Variants in TUBGCP6 observed in about 807,000 individuals in gnomAD.
TUBGCP6 encodes the protein tubulin gamma complex component 6.
TUBGCP6 carries 161 observed loss-of-function variants against 175.8 expected under a neutral mutation model. The observed-to-expected ratio is 0.92, with a 90% CI of 0.81 to 1.04. The LOEUF (loss-of-function observed/expected upper bound fraction) is 1.04. TUBGCP6 is among the 50% of genes least tolerant of loss of function. TUBGCP6 has a pLI of 0.00. For missense variants in TUBGCP6, 2,572 were observed against 2,433.0 expected (o/e 1.06, Z -1.20); for synonymous variants, 1,173 against 1,030.5 (o/e 1.14, Z -2.65).
chr22:50,219,473 A>C lies in TUBGCP6; in HGVS notation c.4316-17T>G, dbSNP rs1483521462. The C allele has an allele frequency of 3.8e-6, 6 of 1,590,218 alleles. No individual in the cohort carries two copies. The highest frequency in any genetic ancestry group is 1.7e-6 in the Non-Finnish European group (2 of 1,169,540). ...GCGGCTCGGCTGCGGGAGATGGAGC[A>C]CGCACGTGCTGGGAACCGGCCAGCC... On this transcript the variant is annotated splice_polypyrimidine_tract_variant and intron_variant, in intron 18 of 24. Coordinates refer to ENST00000248846, the MANE Select transcript of TUBGCP6 (RefSeq NM_020461.4).
chr22:50,229,505 G>A lies in TUBGCP6; in HGVS notation c.1189C>T (p.Leu397Phe). Residue 397 changes from leucine to phenylalanine, a missense_variant, in exon 4 of 25, where the codon CTC becomes TTC. Physicochemically the swap from Leu to Phe is conservative, Grantham distance 22. Coordinates refer to ENST00000248846, the MANE Select transcript of TUBGCP6 (RefSeq NM_020461.4). ...GTCCCATACTCGGCCACTTCCGAGA[G>A]CAGGCTGCTGATGCTCTCGGGAGAC... is the stretch of plus-strand genomic sequence containing the variant. Reference protein sequence around the residue: ...GASPESISSLLSEVAEYGTCY... With the variant: ...GASPESISSLFSEVAEYGTCY... 1 of 1,610,576 alleles carries A rather than the reference G, an allele frequency of 6.2e-7. No homozygotes were observed. Among genetic ancestry groups the A allele is most frequent in the Middle Eastern group, 1.7e-4 (1 of 6,054 alleles).
chr22:50,218,553 AAGG>A lies in TUBGCP6; in HGVS notation c.4886_4888del (p.Ser1629del), dbSNP rs749528262. ...CATCATGAGCTTCAGCTGCAGCAGG[AAGG>A]AGAAGACGCCGCTGTACTTGCTCAC... On this transcript the variant is annotated inframe_deletion, in exon 22 of 25. Transcript: ENST00000248846. 9.9e-6 allele frequency: 16 copies of A among 1,613,664 alleles called. No individual in the cohort carries two copies. The highest frequency in any genetic ancestry group is 3.3e-5 in the South Asian group (3 of 91,090).
At chr22:50,232,367 AAAAAAAAAAAG>A (rs2064704430) in intron 3 of TUBGCP6, among the ~76,000 whole-genome samples, 1 of 81,466 alleles carries the variant, frequency 1.2e-5, no homozygotes, top group Non-Finnish European at 2.4e-5. Context: ...CTCTGTCTCA[AAAAAAAAAAAG>A]AAAAAGAAAA....
rs755681500 is a variant in TUBGCP6 at position 50,243,757 on chromosome 22, C to CG, written c.702dup (p.Val235ArgfsTer13). 42 of 1,613,446 alleles carry CG rather than the reference C, an allele frequency of 2.6e-5. No homozygotes were observed. Among genetic ancestry groups the CG allele is most frequent in the Non-Finnish European group, 3.1e-5 (36 of 1,179,944 alleles). On this transcript the variant is annotated frameshift_variant, in exon 1 of 25. Coordinates refer to ENST00000248846, the MANE Select transcript of TUBGCP6 (RefSeq NM_020461.4). LOFTEE classifies it high-confidence loss of function. ...CCAGAGAGGTCCGCATTGTCTGGCA[C>CG]GGGGGGCAGGCCCAGTCGGACGTCC...
intron 3 of TUBGCP6, among the ~76,000 whole-genome samples, chr22:50,231,255 AC>A (rs869279252): frequency 2.4e-5 from 3 of 125,094 alleles, no homozygotes; most frequent in African/African-American, 8.2e-5. Context: ...GGAGTTTGAG[AC>A]CAGCCTGGTC....
At chr22:50,235,765 C>A (rs944741417) in intron 2 of TUBGCP6, among the ~76,000 whole-genome samples, 7 of 152,104 alleles carry the variant, frequency 4.6e-5, no homozygotes, top group African/African-American at 1.7e-4. Context: ...CATGGTGAAA[C>A]CCTGACTCTA....
Position 50,217,828 on chromosome 22 carries a change from C to T in TUBGCP6, c.5369-1G>A, listed in dbSNP as rs2064440795. ...CCGCGGTTCACCAGCTTGGTCACCACTGGGGACCAGCGAGCAGCTCAGGCT... is the reference window on the plus strand; with the variant it reads ...CCGCGGTTCACCAGCTTGGTCACCATTGGGGACCAGCGAGCAGCTCAGGCT... On this transcript the variant is annotated splice_acceptor_variant, in intron 24 of 24. Transcript: ENST00000248846. LOFTEE classifies it high-confidence loss of function. 7 of 1,613,712 alleles carry T rather than the reference C, an allele frequency of 4.3e-6. No homozygotes were observed. The highest frequency in any genetic ancestry group is 2.2e-5 in the East Asian group (1 of 44,864).
chr22:50,229,574 C>A lies in TUBGCP6; in HGVS notation c.1120G>T (p.Ala374Ser). ...CCCCGCTTCACCACAAAGGCCTGGG[C>A]CGGCTGCACAGGGGCAGAGGACACT... is the stretch of plus-strand genomic sequence containing the variant. Reference protein sequence around the residue: ...VSATFSLCQPAQAFVVKRGVH... With the variant: ...VSATFSLCQPSQAFVVKRGVH... The change falls in exon 4 of 25, where the codon GCC becomes TCC. Residue 374 changes from alanine to serine, a missense_variant. Physicochemically the swap from Ala to Ser is moderately conservative, Grantham distance 99. Transcript: ENST00000248846. 4 of 1,588,202 alleles carry A rather than the reference C, an allele frequency of 2.5e-6. No individual in the cohort carries two copies. Among genetic ancestry groups the A allele is most frequent in the Non-Finnish European group, 2.6e-6 (3 of 1,168,292 alleles).
rs772174079 is a variant in TUBGCP6, at chr22:50,222,507, G to T, written c.2356C>A (p.Arg786=). The T allele has an allele frequency of 2.5e-6, 4 of 1,613,754 alleles. No homozygotes were observed. The Admixed American group carries it at 6.7e-5, about 27-fold the overall frequency. ...AAACGAAGCCGTGCACTCTCCAGTC[G>T]GTGCCTCTGGATTCTCCACAGTGCC... ...QKALWRIQRH[R]LESARLRFLL... is the part of the protein sequence containing the mutation. Residue 786 remains arginine, a synonymous_variant, in exon 14 of 25, where the codon CGA becomes AGA. Transcript: ENST00000248846.
At position 50,226,171 on chromosome 22, in the gene TUBGCP6, T is replaced by C. The variant is rs1384068033; in HGVS notation, c.1712A>G (p.His571Arg). The C allele has an allele frequency of 1.2e-6, 2 of 1,614,136 alleles. No homozygotes were observed. Among genetic ancestry groups the C allele is most frequent in the South Asian group, 2.2e-5 (2 of 91,088 alleles). ...CTCTTTGGAGATGAGCACGTAGCCATGTGTCCAGTACAACTTATCTAAGGT... is the reference window on the plus strand; with the variant it reads ...CTCTTTGGAGATGAGCACGTAGCCACGTGTCCAGTACAACTTATCTAAGGT... ...LSFRDKLYWTHGYVLISKEVE... is the reference protein window; with the variant it reads ...LSFRDKLYWTRGYVLISKEVE... Residue 571 changes from histidine to arginine, a missense_variant, in exon 9 of 25, where the codon CAT (histidine) becomes CGT (arginine). Physicochemically the swap from His to Arg is conservative, Grantham distance 29 (BLOSUM62 0). Transcript: ENST00000248846.
At chr22:50,234,337 G>GCATCCACACCCAGGTACACCGCAGCAT (rs535442966) in intron 2 of TUBGCP6, among the ~76,000 whole-genome samples, 1 of 82,360 alleles carries the variant, frequency 1.2e-5, no homozygotes, top group Non-Finnish European at 2.3e-5. Context: ...GTCCACAGCA[G>GCATCCACACCCAGGTACACCGCAGCAT]CATCCACACC....
At chr22:50,225,676 A>C (rs751067423) in intron 10 of TUBGCP6, 118 bp downstream of exon 10, 1 of 1,371,824 alleles carries the variant, frequency 7.3e-7, no homozygotes, top group Middle Eastern at 2.6e-4. Context: ...CCAGGACAGA[A>C]AATGCCAGAA....
intron 3 of TUBGCP6, among the ~76,000 whole-genome samples, chr22:50,230,954 C>T (rs562622619): frequency 7.4e-5 from 11 of 147,766 alleles, no homozygotes; most frequent in African/African-American, 2.3e-4. Context: ...AGGTAGTGCA[C>T]GCCTATAATC....
chr22:50,222,649 TG>T, intron 13 of TUBGCP6, 57 bp from the exon 14 acceptor site: 1 of 1,594,160 alleles, frequency 6.3e-7, no homozygotes, highest in Non-Finnish European at 8.5e-7. Context: ...CCCATCTACC[TG>T]GCACCCCTCA....
At chr22:50,231,275 G>A (rs2064686327) in intron 3 of TUBGCP6, among the ~76,000 whole-genome samples, 1 of 151,376 alleles carries the variant, frequency 6.6e-6, no homozygotes, top group African/African-American at 2.4e-5. Flanking sequence ...TCAACATGGT[G>A]AAACCCCATC....
In TUBGCP6 at chr22:50,220,014, G is replaced by C; in HGVS notation, c.4110C>G (p.Gly1370=). Reference sequence around the variant, plus strand: ...CCTCAGTGTCCCCGCTCCTCCCAGGGCCTGTGTGGACACAAGTGGACACGA... The same window carrying C: ...CCTCAGTGTCCCCGCTCCTCCCAGGCCCTGTGTGGACACAAGTGGACACGA... ...TPGDSVSEEL[G]PGRSGDTEDL... The change falls in exon 17 of 25, where the codon GGC becomes GGG. Residue 1370 remains glycine (G), a splice_region_variant and synonymous_variant. Transcript: ENST00000248846. 1 of 1,613,490 alleles carries C rather than the reference G, an allele frequency of 6.2e-7. No homozygotes were observed. Among genetic ancestry groups the C allele is most frequent in the Non-Finnish European group, 8.5e-7 (1 of 1,179,696 alleles).
At chr22:50,240,841 C>T (rs1263620777) in intron 1 of TUBGCP6, among the ~76,000 whole-genome samples, 1 of 152,070 alleles carries the variant, frequency 6.6e-6, no homozygotes, top group Non-Finnish European at 1.5e-5. Context: ...ATATAAAAAT[C>T]GGCCAGGCGT....
intron 10 of TUBGCP6, among the ~76,000 whole-genome samples, chr22:50,225,541 C>A (rs2064592626): frequency 6.6e-6 from 1 of 150,676 alleles, no homozygotes; most frequent in African/African-American, 2.5e-5. Flanking sequence ...AAGTCAGAGC[C>A]CCTGCCTGGC....
At chr22:50,224,021 T>C (rs2064567567) in intron 13 of TUBGCP6, 120 bp downstream of exon 13, 1 of 866,638 alleles carries the variant, frequency 1.2e-6, no homozygotes, top group South Asian at 1.5e-5. Flanking sequence ...TTGGTCTTTC[T>C]ACCTTAATGT....
Sources: gnomAD v4.1 joint callset for allele counts (sites outside exome capture counted in the v4.1 genomes callset) on GRCh38, gnomAD v4.1.1 for gene constraint, MANE v1.5 for transcripts, NCBI Gene and HGNC (gene_info 2026-07-23, HGNC 2026-07-21) for gene names.